TSACC: variants seen among roughly 807,000 people sequenced by gnomAD.
TSACC encodes the protein TSSK6 activating cochaperone, also known as TSSK6-activating co-chaperone protein.
In TSACC, 3 loss-of-function variants were observed where a neutral mutation model predicts 6.9. That is an observed-to-expected ratio of 0.43 (90% CI 0.20 to 1.12). The LOEUF is 1.12. TSACC is among the 50% of genes most tolerant of loss of function. The pLI, the probability that TSACC is intolerant of heterozygous loss-of-function variation, is 0.28. For missense variants in TSACC, 137 were observed against 143.9 expected (o/e 0.95, Z 0.24); for synonymous variants, 54 against 55.1 (o/e 0.98, Z 0.09).
chr1:156,342,819 T>TAGCTATC (rs1312810828), intron 2 of TSACC, among the ~76,000 whole-genome samples: 14 of 152,378 alleles, frequency 9.2e-5, no homozygotes, highest in African/African-American at 3.4e-4. Flanking sequence ...CATAGGCACT[T>TAGCTATC]AGCTATCTCT....
chr1:156,342,904 A>G (rs1344243721), intron 2 of TSACC, among the ~76,000 whole-genome samples: 2 of 152,102 alleles, frequency 1.3e-5, no homozygotes, highest in African/African-American at 2.4e-5. Context: ...TTGTCTCCCT[A>G]CTGTCTTGCC....
upstream of TSACC, chr1:156,337,910 C>T: frequency 1.8e-6 from 1 of 552,352 alleles, no homozygotes; most frequent in Non-Finnish European, 3.2e-6. Context: ...TGGGAAAGAG[C>T]TTCCCAAGAC....
chr1:156,346,495 TA>T (rs1195071095), intron 3 of TSACC, among the ~76,000 whole-genome samples: 2 of 152,076 alleles, frequency 1.3e-5, no homozygotes, highest in African/African-American at 2.4e-5. Flanking sequence ...AGACAAAAAT[TA>T]AGTAATTATA....
chr1:156,343,489 C>T (rs905732991), intron 2 of TSACC, among the ~76,000 whole-genome samples: 1 of 152,158 alleles, frequency 6.6e-6, no homozygotes, highest in African/African-American at 2.4e-5. Flanking sequence ...CTGGGCCCAA[C>T]CATACATTTT....
Position 156,338,569 on chromosome 1 carries a change from T to G in TSACC, c.-161T>G. On this transcript the variant is annotated 5_prime_UTR_variant, in exon 1 of 4. Coordinates refer to ENST00000368254, the MANE Select transcript of TSACC (RefSeq NM_001304817.2). ...TACGCATGTGTGTCAACTCTAGGGT[T>G]GGGTGCTGGGGTTGCGGCTTTCGGT... 1 of 333,328 alleles carries G rather than the reference T, an allele frequency of 3.0e-6. No individual in the cohort carries two copies. Among genetic ancestry groups the G allele is most frequent in the Non-Finnish European group, 5.7e-6 (1 of 176,754 alleles). 20.6% of individuals were successfully genotyped at this position (333,328 alleles called of 1,614,324 possible). A position where few individuals can be genotyped will look rare whatever the true frequency, so the allele number is the denominator to read the frequency against.
chr1:156,344,587 C>A lies in TSACC; in HGVS notation c.42C>A (p.Ala14=). 6.2e-7 allele frequency: 1 copy of A among 1,613,702 alleles called. No homozygotes were observed. Among genetic ancestry groups the A allele is most frequent in the Non-Finnish European group, 8.5e-7 (1 of 1,179,846 alleles). ...HTSHPNRKVP[A]KEEANAVPLC... ...TAGTTATCTCTGATTTAGTTCCAGC[C>A]AAAGAGGAAGCTAATGCTGTGCCTC... Residue 14 remains alanine (A), a synonymous_variant, in exon 3 of 4, where the codon GCC becomes GCA. Coordinates refer to ENST00000368254, the MANE Select transcript of TSACC (RefSeq NM_001304817.2).
At chr1:156,340,768 G>A (rs1048623337) in intron 2 of TSACC, among the ~76,000 whole-genome samples, 5 of 151,742 alleles carry the variant, frequency 3.3e-5, no homozygotes, top group African/African-American at 1.2e-4. Context: ...GCCCCAGCTT[G>A]GGCATAAATT....
At chr1:156,340,520 G>A (rs1185432645) in intron 2 of TSACC, among the ~76,000 whole-genome samples, 1 of 140,588 alleles carries the variant, frequency 7.1e-6, no homozygotes, top group Non-Finnish European at 1.5e-5. Context: ...GGAGTGCAGT[G>A]GCACTACCTT....
Position 156,344,100 on chromosome 1 carries a change from C to T in TSACC, c.35-480C>T, listed in dbSNP as rs544513017. On this transcript the variant is annotated intron_variant, in intron 2 of 3. Transcript: ENST00000368254. ...TACCTGAAAGGAGGTAGAGTTCTCT[C>T]GCTACTCATATTGATCTCTTCTCCC... Among the ~76,000 whole-genome samples, 49 of 152,230 alleles carry T rather than the reference C, an allele frequency of 3.2e-4. No individual in the cohort carries two copies. The South Asian group carries it at 5.0e-3, about 15-fold the overall frequency.
Position 156,344,640 on chromosome 1 carries a change from A to T in TSACC, c.95A>T (p.Tyr32Phe). 2 of 1,614,074 alleles carry T rather than the reference A, an allele frequency of 1.2e-6. No individual in the cohort carries two copies. The highest frequency in any genetic ancestry group is 1.7e-6 in the Non-Finnish European group (2 of 1,180,006). The change falls in exon 3 of 4, where the codon TAT (tyrosine) becomes TTT (phenylalanine). Residue 32 changes from tyrosine (Y) to phenylalanine (F), a missense_variant. Physicochemically the swap from Tyr to Phe is conservative, Grantham distance 22. Transcript: ENST00000368254. ...PLCRAKPSPS[Y>F]INLQASSPPA... ...TGTAGAGCAAAACCCTCCCCCAGCTATATTAATCTTCAAGCAAGTTCCCCA... is the reference window on the plus strand; with the variant it reads ...TGTAGAGCAAAACCCTCCCCCAGCTTTATTAATCTTCAAGCAAGTTCCCCA...
At chr1:156,337,845 C>T (rs1385314386), upstream of TSACC, 1 of 470,880 alleles carries the variant, frequency 2.1e-6, no homozygotes, top group Non-Finnish European at 3.8e-6. Flanking sequence ...GACAATCAGG[C>T]TAGAAAGGGC....
chr1:156,343,749 A>T (rs1160758803), intron 2 of TSACC, among the ~76,000 whole-genome samples: 2 of 150,988 alleles, frequency 1.3e-5, no homozygotes, highest in Non-Finnish European at 3.0e-5. Flanking sequence ...TTGTTGTTTC[A>T]TTTTTTTTGA....
At chr1:156,343,421 C>T (rs1201341184) in intron 2 of TSACC, among the ~76,000 whole-genome samples, 1 of 152,170 alleles carries the variant, frequency 6.6e-6, no homozygotes, top group Non-Finnish European at 1.5e-5. Context: ...TATGCTTTTC[C>T]TTGTCTCTAG....
At chr1:156,338,068 T>C, upstream of TSACC, 2 of 1,438,788 alleles carry the variant, frequency 1.4e-6, no homozygotes, top group Non-Finnish European at 1.9e-6. Context: ...GCCCGGTCAG[T>C]GGGGGACGGA....
upstream of TSACC, chr1:156,337,469 T>C (rs1014317271): frequency 5.8e-6 from 1 of 172,034 alleles, no homozygotes; most frequent in African/African-American, 2.4e-5. Flanking sequence ...AGTCGAGAAA[T>C]CTGGGAAAAC....
chr1:156,338,093 GA>G (rs1487446972), upstream of TSACC: 29 of 1,550,564 alleles, frequency 1.9e-5, no homozygotes, highest in Non-Finnish European at 2.4e-5. Flanking sequence ...GGGCAACACT[GA>G]AAAGTATGGA....
chr1:156,339,784 CAG>C lies in TSACC; in HGVS notation c.29_30del (p.Arg10LysfsTer9), dbSNP rs1449933782. 3 of 1,614,100 alleles carry C rather than the reference CAG, an allele frequency of 1.9e-6. No homozygotes were observed. Among genetic ancestry groups the C allele is most frequent in the African/African-American group, 2.7e-5 (2 of 75,056 alleles). MERHTSHPN[R>X]KVPAKEEANA... ...TGGAGCGGCACACTAGTCATCCTAA[CAG>C]AAAAGGTGTGTGTTGGAGGCCCTGC... On this transcript the variant is annotated frameshift_variant, in exon 2 of 4. Transcript: ENST00000368254. LOFTEE classifies it high-confidence loss of function.
chr1:156,343,379 G>T (rs926216286), intron 2 of TSACC, among the ~76,000 whole-genome samples: 2 of 152,156 alleles, frequency 1.3e-5, no homozygotes, highest in African/African-American at 2.4e-5. Flanking sequence ...TTTGGTGCCT[G>T]TTGGTGTCTG....
chr1:156,337,412 T>G, upstream of TSACC: 1 of 169,586 alleles, frequency 5.9e-6, no homozygotes. Context: ...TGTCTCAAAA[T>G]ATAAAAAGAA....
Sources: gnomAD v4.1 joint callset for allele counts (sites outside exome capture counted in the v4.1 genomes callset) on GRCh38, gnomAD v4.1.1 for gene constraint, MANE v1.5 for transcripts, NCBI Gene and HGNC (gene_info 2026-07-23, HGNC 2026-07-21) for gene names.